Variants in ANKRD46 observed in about 807,000 individuals in gnomAD.
The protein encoded by ANKRD46 is ankyrin repeat domain-containing protein 46.
ANKRD46 carries 13 observed loss-of-function variants against 19.8 expected under a neutral mutation model. The observed-to-expected ratio is 0.66, with a 90% confidence interval of 0.43 to 1.04. ANKRD46 has a LOEUF of 1.04. ANKRD46 is among the 50% of genes least tolerant of loss of function. ANKRD46 has a pLI of 0.00. For synonymous variants in ANKRD46, 91 were observed against 106.9 expected, an observed-to-expected ratio of 0.85 and a Z score of 0.92; for missense variants, 185 against 274.8, an observed-to-expected ratio of 0.67 and a Z score of 2.31.
chr8:100,521,434 A>C lies in ANKRD46; in HGVS notation c.*1121T>G. 1 of 985,456 alleles carries C rather than the reference A, an allele frequency of 1.0e-6. No individual in the cohort carries two copies. Among genetic ancestry groups the C allele is most frequent in the Non-Finnish European group, 1.2e-6 (1 of 829,934 alleles). The allele number at this position is 985,456 out of a possible 1,614,324, so 61.0% of individuals were successfully genotyped here. ...AGAATCATTAACAAAAGAGGCCTTC[A>C]AACATACTGCTGAAAGCTGCAATAT... On this transcript the variant is annotated 3_prime_UTR_variant, in exon 5 of 5. Transcript: ENST00000335659.
chr8:100,552,047 G>A lies in ANKRD46; in HGVS notation c.-131+7664C>T, dbSNP rs146248160. ...CACCTGTAGTCCCAGGTACTCGGGAGGCTGAGGCAGGAGAATAGCTTGAAC... is the reference window on the plus strand; with the variant it reads ...CACCTGTAGTCCCAGGTACTCGGGAAGCTGAGGCAGGAGAATAGCTTGAAC... On this transcript the variant is annotated intron_variant, in intron 1 of 4. Transcript: ENST00000335659. Among the ~76,000 whole-genome samples the A allele has an allele frequency of 7.6e-3, 1,147 of 151,784 alleles. 18 individuals are homozygous for A. Among genetic ancestry groups the A allele is most frequent in the African/African-American group, 0.026 (1,062 of 41,356 alleles).
downstream of ANKRD46, among the ~76,000 whole-genome samples, chr8:100,517,195 A>G (rs141172484): frequency 9.2e-5 from 14 of 152,354 alleles, no homozygotes; most frequent in East Asian, 2.7e-3. Context: ...CCAGCTCTCC[A>G]CTGACCTGAC....
Position 100,546,840 on chromosome 8 carries a change from G to C in ANKRD46, c.-131+12871C>G, listed in dbSNP as rs954676317. 3.9e-5 allele frequency among the ~76,000 whole-genome samples: 6 copies of C among 152,248 alleles called. No individual in the cohort carries two copies. The highest frequency in any genetic ancestry group is 1.4e-4 in the African/African-American group (6 of 41,470). On this transcript the variant is annotated intron_variant, in intron 1 of 4. Coordinates refer to ENST00000335659, the MANE Select transcript of ANKRD46 (RefSeq NM_001270377.2). This position sits in a 1 kb window ranked among gnomAD's most constrained non-coding sequence, Gnocchi z 4.0. ...TTGCATCAGCATACCCTGGATGTGA[G>C]ACATGGAGTTAAAGGAGATTTTGGA...
Position 100,510,456 on chromosome 8 carries a change from G to C in ANKRD46, c.*121C>G. 1.0e-6 allele frequency: 1 copy of C among 954,110 alleles called. No individual in the cohort carries two copies. Among genetic ancestry groups the C allele is most frequent in the Non-Finnish European group, 1.5e-6 (1 of 661,652 alleles). The allele number at this position is 954,110 out of a possible 1,614,324, so 59.1% of individuals were successfully genotyped here. Reference sequence around the variant, plus strand: ...CTCTGCCTCCTAACTGCAGAGCTTTGAGATGATGCTCCATGACACAAGTCG... The same window carrying C: ...CTCTGCCTCCTAACTGCAGAGCTTTCAGATGATGCTCCATGACACAAGTCG... On this transcript the variant is annotated 3_prime_UTR_variant, in exon 6 of 6. Transcript: ENST00000520552. The surrounding 1 kb of genome is among the most constrained non-coding windows in gnomAD (Gnocchi z 4.9).
At position 100,536,486 on chromosome 8, in the gene ANKRD46, A is replaced by G. The variant is rs557292248; in HGVS notation, c.-130-3175T>C. 6.6e-6 allele frequency among the ~76,000 whole-genome samples: 1 copy of G among 152,316 alleles called. No individual in the cohort carries two copies. Among genetic ancestry groups the G allele is most frequent in the Admixed American group, 6.5e-5 (1 of 15,302 alleles). On this transcript the variant is annotated intron_variant, in intron 1 of 4. Transcript: ENST00000335659. This position sits in a 1 kb window ranked among gnomAD's most constrained non-coding sequence, Gnocchi z 4.9. Reference sequence around the variant, plus strand: ...ACTTAGCACTCAAAAATAAGCTATTATCCTTTTCAGGCTAGACACAGCTCT... The same window carrying G: ...ACTTAGCACTCAAAAATAAGCTATTGTCCTTTTCAGGCTAGACACAGCTCT...
At chr8:100,520,741 TAAAAA>T (rs5893523), downstream of ANKRD46, 46 of 719,988 alleles carry the variant, frequency 6.4e-5, no homozygotes, top group African/African-American at 7.5e-4. Flanking sequence ...TATAATACAC[TAAAAA>T]AAAAAAAAAA....
rs956606276 is a variant in ANKRD46 at position 100,525,765 on chromosome 8, C to A, written c.470+2080G>T. Among the ~76,000 whole-genome samples the A allele has an allele frequency of 6.6e-6, 1 of 152,148 alleles. No homozygotes were observed. Among genetic ancestry groups the A allele is most frequent in the African/African-American group, 2.4e-5 (1 of 41,426 alleles). On this transcript the variant is annotated intron_variant, in intron 4 of 4. Transcript: ENST00000335659. The surrounding 1 kb of genome is among the most constrained non-coding windows in gnomAD (Gnocchi z 4.4). Reference sequence around the variant, plus strand: ...TTCTTTGGTATATTCCTAGAAGTGGCACTGCTGGTCAGATGGTAACTCTAC... The same window carrying A: ...TTCTTTGGTATATTCCTAGAAGTGGAACTGCTGGTCAGATGGTAACTCTAC...
intron 1 of ANKRD46, among the ~76,000 whole-genome samples, chr8:100,542,604 T>C (rs1199153617): frequency 6.6e-6 from 1 of 152,150 alleles, no homozygotes; most frequent in South Asian, 2.1e-4. Context: ...TGCTCTGGAC[T>C]AGGGGTAACC....
chr8:100,538,652 A>C (rs114252582), intron 1 of ANKRD46, among the ~76,000 whole-genome samples: 3,726 of 152,214 alleles, frequency 0.024, 165 homozygotes, highest in African/African-American at 0.083. Flanking sequence ...ACTAATAAAA[A>C]GTGTGAATAA....
At chr8:100,518,827 G>A (rs1811675590), downstream of ANKRD46, among the ~76,000 whole-genome samples, 1 of 151,576 alleles carries the variant, frequency 6.6e-6, no homozygotes, top group Admixed American at 6.6e-5. Flanking sequence ...ACTCCAGCCT[G>A]GGCGACAGAG....
intron 1 of ANKRD46, among the ~76,000 whole-genome samples, chr8:100,542,728 G>T (rs1812199081): frequency 6.6e-6 from 1 of 152,032 alleles, no homozygotes; most frequent in Non-Finnish European, 1.5e-5. Context: ...TAGTTCATGA[G>T]GATAGAAATA....
chr8:100,534,821 G>C lies in ANKRD46; in HGVS notation c.-130-1510C>G, dbSNP rs1812031745. ...GTCTCACTCTGTCGCTGGTGCCGGA[G>C]TGCAGTGGTGCAATCTCGACTCACC... On this transcript the variant is annotated intron_variant, in intron 1 of 4. Coordinates refer to ENST00000335659, the MANE Select transcript of ANKRD46 (RefSeq NM_001270377.2). This position sits in a 1 kb window ranked among gnomAD's most constrained non-coding sequence, Gnocchi z 4.2. Among the ~76,000 whole-genome samples the C allele has an allele frequency of 6.6e-6, 1 of 152,158 alleles. No individual in the cohort carries two copies. The highest frequency in any genetic ancestry group is 2.4e-5 in the African/African-American group (1 of 41,440).
In ANKRD46 at chr8:100,537,381, G is replaced by A. The variant is rs141923425; in HGVS notation, c.-130-4070C>T. Among the ~76,000 whole-genome samples the A allele has an allele frequency of 1.4e-4, 22 of 152,220 alleles. No homozygotes were observed. The highest frequency in any genetic ancestry group is 4.6e-4 in the African/African-American group (19 of 41,534). ...TTTCAACAAAATGCAAGGAAAAAAC[G>A]ACATAGCTGGAAAGATATTCTGTCA... On this transcript the variant is annotated intron_variant, in intron 1 of 4. Coordinates refer to ENST00000335659, the MANE Select transcript of ANKRD46 (RefSeq NM_001270377.2). This position sits in a 1 kb window ranked among gnomAD's most constrained non-coding sequence, Gnocchi z 4.2.
chr8:100,530,316 G>A (rs1290381745), intron 2 of ANKRD46, among the ~76,000 whole-genome samples: 1 of 152,028 alleles, frequency 6.6e-6, no homozygotes, highest in Non-Finnish European at 1.5e-5. Flanking sequence ...TATTCTACAT[G>A]GTAACTAAAA....
At chr8:100,514,382 T>C (rs988532510) in intron 5 of ANKRD46, among the ~76,000 whole-genome samples, 2 of 152,056 alleles carry the variant, frequency 1.3e-5, no homozygotes, top group African/African-American at 4.8e-5. Flanking sequence ...AAAAAAAAAA[T>C]TAGGAGATTT....
rs942669478 is a variant in ANKRD46, at chr8:100,511,407, A to G, written c.637-768T>C. Among the ~76,000 whole-genome samples the G allele has an allele frequency of 4.0e-5, 6 of 151,838 alleles. No homozygotes were observed. Among genetic ancestry groups the G allele is most frequent in the Non-Finnish European group, 7.4e-5 (5 of 67,968 alleles). ...GAGTGTCTTGTTTATTTTCTTATGT[A>G]TCTGGTAAATGGTGAGGTAGACACC... On this transcript the variant is annotated intron_variant, in intron 5 of 5. Transcript: ENST00000520552. The surrounding 1 kb of genome is among the most constrained non-coding windows in gnomAD (Gnocchi z 4.1).
chr8:100,529,775 C>G lies in ANKRD46; in HGVS notation c.59G>C (p.Cys20Ser). The change falls in exon 3 of 5, where the codon TGT becomes TCT. Residue 20 changes from cysteine to serine, a missense_variant. By Grantham distance (112) the Cys-to-Ser change is moderately radical. Transcript: ENST00000335659. This position sits in a 1 kb window ranked among gnomAD's most constrained non-coding sequence, Gnocchi z 5.8. Reference protein sequence around the residue: ...SQTNVPLLQACIDGDFNYSKR... With the variant: ...SQTNVPLLQASIDGDFNYSKR... ...GGAATAATTAAAGTCCCCATCAATA[C>G]AGGCTTGCAGCAAGGGCACGTTAGT... 1 of 1,614,234 alleles carries G rather than the reference C, an allele frequency of 6.2e-7. No individual in the cohort carries two copies. Among genetic ancestry groups the G allele is most frequent in the Non-Finnish European group, 8.5e-7 (1 of 1,180,052 alleles).
At chr8:100,531,547 C>G (rs542652166) in intron 2 of ANKRD46, among the ~76,000 whole-genome samples, 2 of 152,122 alleles carry the variant, frequency 1.3e-5, no homozygotes, top group African/African-American at 4.8e-5. Context: ...GAGCCAGGTA[C>G]CAACTAGGAG....
At chr8:100,515,865 C>T (rs1432530130), downstream of ANKRD46, among the ~76,000 whole-genome samples, 1 of 151,112 alleles carries the variant, frequency 6.6e-6, no homozygotes, top group Non-Finnish European at 1.5e-5. Flanking sequence ...ATTCCAGTAA[C>T]TTGTTTTTGT....
Sources: allele counts gnomAD v4.1 joint callset (sites outside exome capture counted in the v4.1 genomes callset), GRCh38; gene constraint gnomAD v4.1.1; non-coding constraint Gnocchi (gnomAD v3.1); transcripts MANE v1.5; gene names NCBI Gene and HGNC (gene_info 2026-07-23, HGNC 2026-07-21).